The following PIK3C2G variants were observed in gnomAD, a reference collection of about 807,000 sequenced individuals.
The protein encoded by PIK3C2G is phosphatidylinositol 3-kinase C2 domain-containing subunit gamma.
PIK3C2G carries 168 observed loss-of-function variants against 181.1 expected under a neutral mutation model. The ratio of observed to expected loss-of-function variants is 0.93; its 90% confidence interval spans 0.82 to 1.05. PIK3C2G has a LOEUF of 1.05. PIK3C2G is among the 50% of genes least tolerant of loss of function. The pLI is 0.00. For missense variants in PIK3C2G, 1,869 were observed against 1,732.8 expected (o/e 1.08, Z -1.40); for synonymous variants, 573 against 592.2 (o/e 0.97, Z 0.47).
intron 24 of PIK3C2G, among the ~76,000 whole-genome samples, chr12:18,507,318 C>T (rs373220846): frequency 4.3e-4 from 65 of 152,214 alleles, no homozygotes; most frequent in African/African-American, 1.3e-3. Flanking sequence ...TGTGAGCCAC[C>T]GTGCCTGGCC....
chr12:18,332,932 A>G (rs570986386), intron 8 of PIK3C2G, among the ~76,000 whole-genome samples: 65 of 152,256 alleles, frequency 4.3e-4, no homozygotes, highest in African/African-American at 1.4e-3. Context: ...GTAGGCGTCC[A>G]TGGAAAAGAG....
the PIK3C2G span, chr12:18,701,590 C>T: frequency 3.1e-6 from 5 of 1,612,156 alleles, no homozygotes; most frequent in South Asian, 3.3e-5. Flanking sequence ...TCCAATACTT[C>T]TGATTCTTTG....
At chr12:18,372,668 G>C (rs1209208873) in intron 13 of PIK3C2G, 1 of 152,130 alleles carries the variant, frequency 6.6e-6, no homozygotes, top group Admixed American at 6.5e-5. Flanking sequence ...AAAAGGTTAA[G>C]TCCATTTTAC....
intron 8 of PIK3C2G, among the ~76,000 whole-genome samples, chr12:18,336,085 C>A (rs1044988372): frequency 6.6e-6 from 1 of 152,034 alleles, no homozygotes; most frequent in Non-Finnish European, 1.5e-5. Flanking sequence ...GTTATCTCTG[C>A]ATATACAGTG....
At chr12:18,556,714 A>C (rs746953667) in intron 26 of PIK3C2G, among the ~76,000 whole-genome samples, 25 of 152,104 alleles carry the variant, frequency 1.6e-4, no homozygotes, top group Non-Finnish European at 3.2e-4. Flanking sequence ...TATTATCCTC[A>C]TGTCTTTAAA....
At chr12:18,431,830 G>A (rs541628669) in intron 18 of PIK3C2G, among the ~76,000 whole-genome samples, 33 of 152,248 alleles carry the variant, frequency 2.2e-4, no homozygotes, top group Non-Finnish European at 4.3e-4. Flanking sequence ...ATATTGATCT[G>A]CTGTAATCAT....
chr12:18,360,284 CCCA>C (rs1465491585), intron 11 of PIK3C2G, among the ~76,000 whole-genome samples: 2 of 152,106 alleles, frequency 1.3e-5, no homozygotes, highest in Admixed American at 1.3e-4. Flanking sequence ...TATTTCTCCT[CCCA>C]CCACACTTTA....
At chr12:18,337,657 C>A (rs1451890173) in intron 8 of PIK3C2G, among the ~76,000 whole-genome samples, 1 of 152,068 alleles carries the variant, frequency 6.6e-6, no homozygotes, top group Non-Finnish European at 1.5e-5. Flanking sequence ...CAATTTTAAA[C>A]AACCAGATTT....
At chr12:18,477,532 C>G (rs986322599) in intron 18 of PIK3C2G, among the ~76,000 whole-genome samples, 2 of 152,070 alleles carry the variant, frequency 1.3e-5, no homozygotes, top group African/African-American at 2.4e-5. Context: ...AGGAAATTAG[C>G]CAGGTAGGTT....
At position 18,391,135 on chromosome 12, in the gene PIK3C2G, C is replaced by T. The variant is rs79490047; in HGVS notation, c.2009C>T (p.Ala670Val). ...SPVTLQIDFP[A>V]TGWEYMKPDS... ...TTTTTCTTTCAGATTGATTTTCCAG[C>T]TACTGGGTGGGAGTATATGAAACCT... Residue 670 changes from alanine (A) to valine (V), a missense_variant, in exon 15 of 33, where the codon GCT becomes GTT. Physicochemically the swap from Ala to Val is moderately conservative, Grantham distance 64 (BLOSUM62 0). Transcript: ENST00000538779. The T allele has an allele frequency of 6.3e-7, 1 of 1,597,050 alleles. No homozygotes were observed.
In PIK3C2G at chr12:18,443,090, C is replaced by T. The variant is rs181742105; in HGVS notation, c.2504+19051C>T. On this transcript the variant is annotated intron_variant, in intron 18 of 32. Transcript: ENST00000538779. ...TTCCCCATTTTGGCCAGTTTGGTCTCGAACTCCTGACCTCAGGTGATCCAC... is the reference window on the plus strand; with the variant it reads ...TTCCCCATTTTGGCCAGTTTGGTCTTGAACTCCTGACCTCAGGTGATCCAC... Among the ~76,000 whole-genome samples the T allele has an allele frequency of 9.9e-4, 151 of 152,230 alleles. 1 individual carries two copies. The highest frequency in any genetic ancestry group is 3.5e-3 in the African/African-American group (144 of 41,550).
intron 22 of PIK3C2G, among the ~76,000 whole-genome samples, chr12:18,499,141 A>G (rs1941232059): frequency 6.6e-6 from 1 of 152,208 alleles, no homozygotes; most frequent in Non-Finnish European, 1.5e-5. Context: ...ATTCAGCAGA[A>G]ATAACTATAG....
At chr12:18,604,034 G>A (rs550790214) in intron 30 of PIK3C2G, among the ~76,000 whole-genome samples, 1 of 152,274 alleles carries the variant, frequency 6.6e-6, no homozygotes, top group Non-Finnish European at 1.5e-5. Flanking sequence ...GAATGCAATG[G>A]TACCTCACAT....
intron 22 of PIK3C2G, 147 bp from the exon 23 acceptor site, chr12:18,503,134 C>A: frequency 2.1e-6 from 1 of 484,646 alleles, no homozygotes; most frequent in South Asian, 4.8e-5. Context: ...GAAAGAGATG[C>A]ATCTAGATAA....
chr12:18,289,359 T>C (rs572245717), intron 3 of PIK3C2G, among the ~76,000 whole-genome samples: 2 of 152,266 alleles, frequency 1.3e-5, no homozygotes, highest in East Asian at 1.9e-4. Context: ...TCAGCAAAAG[T>C]TTAGGAGAGA....
chr12:18,578,809 G>A (rs990892231), intron 29 of PIK3C2G, among the ~76,000 whole-genome samples: 3 of 151,910 alleles, frequency 2.0e-5, no homozygotes, highest in Admixed American at 6.6e-5. Flanking sequence ...ATGTTTTCAT[G>A]CATTCACAAA....
chr12:18,695,898 C>A, the PIK3C2G span, among the ~76,000 whole-genome samples: 1 of 151,970 alleles, frequency 6.6e-6, no homozygotes, highest in Admixed American at 6.6e-5. Flanking sequence ...CTCCACTACA[C>A]ATGTCTCATA....
At chr12:18,616,700 C>T (rs1948623200) in intron 31 of PIK3C2G, among the ~76,000 whole-genome samples, 2 of 151,966 alleles carry the variant, frequency 1.3e-5, no homozygotes. Flanking sequence ...TCTAAATCTC[C>T]CTCAGTTTTA....
rs773055621 is a variant in PIK3C2G at position 18,594,621 on chromosome 12, C to A, written c.4087+52C>A. 6.5e-6 allele frequency: 6 copies of A among 925,882 alleles called. No homozygotes were observed. The African/African-American group carries it at 1.0e-4, about 16-fold the overall frequency. The allele number at this position is 925,882 out of a possible 1,614,324, so 57.4% of individuals were successfully genotyped here. On this transcript the variant is annotated intron_variant, in intron 30 of 32. Transcript: ENST00000538779. Reference sequence around the variant, plus strand: ...TACAGTGATTTTCAAAATAATTGGACAAAAAGATATCACAACTAATTTTTT... The same window carrying A: ...TACAGTGATTTTCAAAATAATTGGAAAAAAAGATATCACAACTAATTTTTT...
Sources: allele counts gnomAD v4.1 joint callset (sites outside exome capture counted in the v4.1 genomes callset), GRCh38; gene constraint gnomAD v4.1.1; transcripts MANE v1.5; gene names NCBI Gene and HGNC (gene_info 2026-07-23, HGNC 2026-07-21).